STAM: variants seen among roughly 807,000 people sequenced by gnomAD.
STAM encodes signal transducing adaptor molecule, also known as signal transducing adapter molecule 1.
STAM carries 16 observed loss-of-function variants against 63.4 expected under a neutral mutation model. The ratio of observed to expected loss-of-function variants is 0.25; its 90% CI spans 0.17 to 0.38. The LOEUF (loss-of-function observed/expected upper bound fraction) is 0.38. Among genes scored for constraint, STAM ranks in the 10% least tolerant of loss-of-function variants. STAM has a pLI of 1.00. For synonymous variants in STAM, 238 were observed against 223.9 expected, an observed-to-expected ratio of 1.06 and a Z score of -0.56; for missense variants, 636 against 657.1, an observed-to-expected ratio of 0.97 and a Z score of 0.35.
rs568841181 is a variant in STAM at position 17,693,775 on chromosome 10, G to A, written c.535+463G>A. Among the ~76,000 whole-genome samples the A allele has an allele frequency of 2.6e-5, 4 of 152,168 alleles. No homozygotes were observed. In the East Asian group the frequency reaches 5.8e-4, roughly 22 times the overall value. On this transcript the variant is annotated intron_variant, in intron 6 of 13. Transcript: ENST00000377524. ...TTTTACTAAAATTAAGCTGCAGTGA[G>A]TATTCTTGTACATATTCTCTGTGCA...
chr10:17,706,769 T>C (rs574519010), intron 12 of STAM, among the ~76,000 whole-genome samples: 56 of 152,234 alleles, frequency 3.7e-4, no homozygotes. Context: ...TGTATAGCCT[T>C]TTGCAGGTCA....
At chr10:17,671,985 C>T (rs924450902) in intron 2 of STAM, among the ~76,000 whole-genome samples, 4 of 152,004 alleles carry the variant, frequency 2.6e-5, no homozygotes, top group African/African-American at 4.8e-5. Flanking sequence ...TGTCACTGCT[C>T]GGCATATGGT....
intron 13 of STAM, among the ~76,000 whole-genome samples, chr10:17,713,885 C>T (rs1554830353): frequency 6.6e-6 from 1 of 152,044 alleles, no homozygotes; most frequent in Admixed American, 6.6e-5. Context: ...TTGTGGCCAT[C>T]AGGTGCTGTG....
At chr10:17,668,362 A>C (rs1422311005) in intron 2 of STAM, among the ~76,000 whole-genome samples, 3 of 152,198 alleles carry the variant, frequency 2.0e-5, no homozygotes, top group African/African-American at 7.2e-5. Flanking sequence ...GTCAACTCCG[A>C]CACAATTTCC....
At chr10:17,657,680 A>G (rs1833994435) in intron 1 of STAM, among the ~76,000 whole-genome samples, 2 of 152,258 alleles carry the variant, frequency 1.3e-5, no homozygotes, top group African/African-American at 2.4e-5. Flanking sequence ...TCTTGTATGT[A>G]TTTCAGCAGA....
chr10:17,702,414 A>G (rs1391780624), intron 9 of STAM, among the ~76,000 whole-genome samples: 1 of 152,188 alleles, frequency 6.6e-6, no homozygotes, highest in African/African-American at 2.4e-5. Flanking sequence ...TTGAATGGTA[A>G]TGGTGAGTGC....
At chr10:17,690,036 C>T (rs576453732) in intron 5 of STAM, among the ~76,000 whole-genome samples, 17 of 152,324 alleles carry the variant, frequency 1.1e-4, no homozygotes, top group Admixed American at 2.6e-4. Context: ...AATCTAGAAT[C>T]TTAGCCACGG....
At chr10:17,698,505 A>G (rs1478231641) in intron 8 of STAM, among the ~76,000 whole-genome samples, 3 of 151,706 alleles carry the variant, frequency 2.0e-5, no homozygotes, top group African/African-American at 4.9e-5. Flanking sequence ...TGGACGATCT[A>G]AAAGAGAAAC....
intron 9 of STAM, among the ~76,000 whole-genome samples, chr10:17,701,774 C>G (rs972306971): frequency 6.6e-6 from 1 of 152,114 alleles, no homozygotes; most frequent in African/African-American, 2.4e-5. Context: ...GGAAGAAAGG[C>G]TTACCGCTTG....
intron 12 of STAM, 72 bp downstream of exon 12, chr10:17,705,813 A>G (rs10904996): frequency 0.11 from 156,602 of 1,466,448 alleles, 10,520 homozygotes; most frequent in East Asian, 0.28. Context: ...CATGCCTGTA[A>G]TCTCAGCAAT....
rs1554830983 is a variant in STAM at position 17,716,543 on chromosome 10, C to G, written c.*1763C>G. ...ATCTGTCGGATTATAATCTTTTCCA[C>G]TCCAATTTGAGTATTATGGTTTAAC... On this transcript the variant is annotated 3_prime_UTR_variant, in exon 14 of 14. Coordinates refer to ENST00000377524, the MANE Select transcript of STAM (RefSeq NM_003473.4). Among the ~76,000 whole-genome samples, 1 of 152,108 alleles carries G rather than the reference C, an allele frequency of 6.6e-6. No homozygotes were observed. The highest frequency in any genetic ancestry group is 2.4e-5 in the African/African-American group (1 of 41,430).
intron 2 of STAM, among the ~76,000 whole-genome samples, chr10:17,684,433 T>C (rs1554825838): frequency 6.6e-6 from 1 of 151,912 alleles, no homozygotes. Flanking sequence ...TTTTTTTTTT[T>C]CCTACCCAGA....
Position 17,695,065 on chromosome 10 carries a change from C to T in STAM, c.552C>T (p.Leu184=). The change falls in exon 7 of 14, where the codon CTC becomes CTT. Residue 184 remains leucine (L), a synonymous_variant. Coordinates refer to ENST00000377524, the MANE Select transcript of STAM (RefSeq NM_003473.4). The part of the protein sequence containing the change: ...EDLAKAIELS[L]KEQRQQSTTL... ...GTTTTCTAGCCATTGAGTTGTCTCT[C>T]AAGGAACAAAGGCAGCAGTCAACCA... 6.2e-7 allele frequency: 1 copy of T among 1,613,786 alleles called. No individual in the cohort carries two copies. The highest frequency in any genetic ancestry group is 8.5e-7 in the Non-Finnish European group (1 of 1,179,844).
At chr10:17,703,784 G>A (rs782620191) in intron 9 of STAM, among the ~76,000 whole-genome samples, 2 of 151,782 alleles carry the variant, frequency 1.3e-5, no homozygotes, top group Admixed American at 6.6e-5. Context: ...TGAAACACTG[G>A]TAGAAAGAAA....
At chr10:17,680,099 C>T (rs1485478785) in intron 2 of STAM, among the ~76,000 whole-genome samples, 2 of 151,628 alleles carry the variant, frequency 1.3e-5, no homozygotes, top group Non-Finnish European at 2.9e-5. Context: ...TTTATTGTTT[C>T]CCTCCTTCTC....
intron 2 of STAM, among the ~76,000 whole-genome samples, chr10:17,675,681 T>A (rs1834824134): frequency 6.6e-6 from 1 of 152,196 alleles, no homozygotes; most frequent in Non-Finnish European, 1.5e-5. Context: ...GCAGGGTCAG[T>A]CTCTTCTTGT....
chr10:17,697,510 A>G (rs1203592989), intron 8 of STAM, among the ~76,000 whole-genome samples: 1 of 152,208 alleles, frequency 6.6e-6, no homozygotes, highest in African/African-American at 2.4e-5. Context: ...TTGATTTACA[A>G]ACCCTGCTGA....
chr10:17,652,800 T>C (rs1371545940), intron 1 of STAM, among the ~76,000 whole-genome samples: 4 of 152,212 alleles, frequency 2.6e-5, no homozygotes, highest in African/African-American at 7.2e-5. Context: ...TCACTCAATA[T>C]TCTTGGGCTT....
intron 1 of STAM, among the ~76,000 whole-genome samples, chr10:17,658,822 G>A (rs565822025): frequency 7.2e-5 from 11 of 152,162 alleles, no homozygotes; most frequent in Middle Eastern, 3.4e-3. Flanking sequence ...GTGTTTTTAT[G>A]TCTAAAATGA....
Sources: allele counts gnomAD v4.1 joint callset (sites outside exome capture counted in the v4.1 genomes callset), GRCh38; gene constraint gnomAD v4.1.1; transcripts MANE v1.5; gene names NCBI Gene and HGNC (gene_info 2026-07-23, HGNC 2026-07-21).